The following ZNF287 variants were observed in gnomAD, a reference collection of about 807,000 sequenced individuals.
The protein encoded by ZNF287 is zinc finger protein 287.
Under a neutral mutation model 73.7 loss-of-function variants are expected in ZNF287, and 31 were observed. The ratio of observed to expected loss-of-function variants is 0.42; its 90% CI spans 0.32 to 0.57. ZNF287 has a LOEUF of 0.57. ZNF287 is among the 20% of genes least tolerant of loss of function. The probability of loss-of-function intolerance (pLI) is 0.13; values close to 1 mark genes in which losing one functional copy is unlikely to be tolerated. For missense variants in ZNF287, 641 were observed against 909.3 expected (o/e 0.70, Z 3.79); for synonymous variants, 301 against 307.2 (o/e 0.98, Z 0.21).
Position 16,550,153 on chromosome 17 carries a change from T to C in ZNF287, c.*1703A>G, listed in dbSNP as rs1319220396. On this transcript the variant is annotated 3_prime_UTR_variant, in exon 6 of 6. Coordinates refer to ENST00000395825, the MANE Select transcript of ZNF287 (RefSeq NM_020653.4). ...ATTTGCATTTCTGCCAGTTTTCCTT[T>C]TGAGACCCACAAACCCAGTTATCAT... Among the ~76,000 whole-genome samples, 2 of 152,212 alleles carry C rather than the reference T, an allele frequency of 1.3e-5. No individual in the cohort carries two copies. Among genetic ancestry groups the C allele is most frequent in the African/African-American group, 2.4e-5 (1 of 41,460 alleles).
At chr17:16,563,324 C>A in intron 4 of ZNF287, 92 bp from the exon 5 acceptor site, 1 of 852,464 alleles carries the variant, frequency 1.2e-6, no homozygotes, top group Non-Finnish European at 1.9e-6. Context: ...GGAGAACAGA[C>A]CTCTGTAGGA....
intron 1 of ZNF287, among the ~76,000 whole-genome samples, chr17:16,568,321 G>T (rs547077754): frequency 6.6e-6 from 1 of 152,232 alleles, no homozygotes; most frequent in Admixed American, 6.5e-5. Context: ...GAAACTAGGA[G>T]AATTTCTTCT....
At chr17:16,555,033 T>C (rs746636069) in intron 5 of ZNF287, among the ~76,000 whole-genome samples, 9 of 152,156 alleles carry the variant, frequency 5.9e-5, no homozygotes, top group Non-Finnish European at 1.2e-4. Flanking sequence ...CAATATAGTA[T>C]TGGGCTCATG....
At chr17:16,563,914 G>A in intron 3 of ZNF287, 89 bp from the exon 4 acceptor site, 1 of 1,464,136 alleles carries the variant, frequency 6.8e-7, no homozygotes, top group Non-Finnish European at 9.2e-7. Context: ...GTGGGGGACT[G>A]TCACAGAATT....
intron 5 of ZNF287, 43 bp downstream of exon 5, chr17:16,563,103 G>T (rs765549812): frequency 2.1e-6 from 3 of 1,432,228 alleles, no homozygotes; most frequent in Admixed American, 3.7e-5. Flanking sequence ...TTAGGATATA[G>T]ATTCTTAAAT....
intron 5 of ZNF287, among the ~76,000 whole-genome samples, chr17:16,553,968 G>C (rs1191807936): frequency 6.6e-6 from 1 of 152,148 alleles, no homozygotes; most frequent in Non-Finnish European, 1.5e-5. Flanking sequence ...TAACATTATT[G>C]GGTCTCACCT....
chr17:16,569,146 A>G lies in ZNF287; in HGVS notation c.-393T>C, dbSNP rs1396316657. 1 of 152,370 alleles carries G rather than the reference A, an allele frequency of 6.6e-6. No individual in the cohort carries two copies. Among genetic ancestry groups the G allele is most frequent in the East Asian group, 1.9e-4 (1 of 5,188 alleles). The allele number at this position is 152,370 out of a possible 1,614,324, so 9.4% of individuals were successfully genotyped here. ...CTGCACGTTCCAGCCCGGTCCTGAG[A>G]AGCCCGGCCCAGAAACCCCGGCGCC... On this transcript the variant is annotated 5_prime_UTR_variant, in exon 1 of 6. Transcript: ENST00000395825.
At chr17:16,563,419 C>T (rs1390292138) in intron 4 of ZNF287, among the ~76,000 whole-genome samples, 187 bp from the exon 5 acceptor site, 1 of 152,158 alleles carries the variant, frequency 6.6e-6, no homozygotes, top group African/African-American at 2.4e-5. Flanking sequence ...AATTTCCTGC[C>T]ACTGAAGAGG....
chr17:16,554,203 T>A (rs1405999212), intron 5 of ZNF287, among the ~76,000 whole-genome samples: 1 of 119,074 alleles, frequency 8.4e-6, no homozygotes, highest in Non-Finnish European at 1.6e-5. Flanking sequence ...TATCCACTAC[T>A]TTTTTTTTTT....
chr17:16,563,012 A>G (rs764254221), intron 5 of ZNF287, 134 bp downstream of exon 5: 13 of 648,414 alleles, frequency 2.0e-5, no homozygotes, highest in Non-Finnish European at 3.2e-5. Flanking sequence ...AGCAATGCCA[A>G]ACAGCTCAGT....
At chr17:16,563,678 A>G in intron 4 of ZNF287, 21 bp downstream of exon 4, 1 of 1,608,142 alleles carries the variant, frequency 6.2e-7, no homozygotes, top group Non-Finnish European at 8.5e-7. Context: ...TCGGAGGAGG[A>G]GGGATGCAGA....
At chr17:16,559,826 T>A (rs192296483) in intron 5 of ZNF287, among the ~76,000 whole-genome samples, 226 of 152,358 alleles carry the variant, frequency 1.5e-3, no homozygotes, top group Non-Finnish European at 1.9e-3. Context: ...GTCAAAAAGA[T>A]GCTGGACTTT....
chr17:16,559,199 A>G (rs1307766347), intron 5 of ZNF287: 1 of 152,126 alleles, frequency 6.6e-6, no homozygotes, highest in Admixed American at 6.5e-5. Flanking sequence ...AAGGAAATGT[A>G]TACCTTTCTA....
chr17:16,563,242 A>G lies in ZNF287; in HGVS notation c.629-10T>C. 1 of 1,586,200 alleles carries G rather than the reference A, an allele frequency of 6.3e-7. No individual in the cohort carries two copies. Among genetic ancestry groups the G allele is most frequent in the Non-Finnish European group, 8.6e-7 (1 of 1,165,132 alleles). On this transcript the variant is annotated splice_polypyrimidine_tract_variant and intron_variant, in intron 4 of 5. Transcript: ENST00000395825. ...CTGTACACTGTAAGTCCTGTTCAGGAGGAATATAAAGAATTTTATCCTGGA... is the reference window on the plus strand; with the variant it reads ...CTGTACACTGTAAGTCCTGTTCAGGGGGAATATAAAGAATTTTATCCTGGA...
At chr17:16,564,269 T>A (rs1907618814) in intron 3 of ZNF287, among the ~76,000 whole-genome samples, 1 of 152,190 alleles carries the variant, frequency 6.6e-6, no homozygotes, top group African/African-American at 2.4e-5. Context: ...GGTACAATCA[T>A]TGTTCACTGC....
intron 5 of ZNF287, chr17:16,558,822 C>T (rs1037692862): frequency 6.6e-6 from 1 of 151,894 alleles, no homozygotes; most frequent in African/African-American, 2.4e-5. Context: ...GCAAAAAATA[C>T]AAAAATTATC....
intron 2 of ZNF287, among the ~76,000 whole-genome samples, chr17:16,567,086 G>T (rs1907791075): frequency 6.6e-6 from 1 of 152,168 alleles, no homozygotes; most frequent in South Asian, 2.1e-4. Flanking sequence ...TTTCTTGGGG[G>T]TTTAGATAAT....
rs955080437 is a variant in ZNF287, at chr17:16,549,167, A to G, written c.*2689T>C. On this transcript the variant is annotated 3_prime_UTR_variant, in exon 6 of 6. Coordinates refer to ENST00000395825, the MANE Select transcript of ZNF287 (RefSeq NM_020653.4). Reference sequence around the variant, plus strand: ...TATATATTTGAAAACTCATAATAAAAAGTTCTGGAAAATAAGGCTATTTGC... The same window carrying G: ...TATATATTTGAAAACTCATAATAAAGAGTTCTGGAAAATAAGGCTATTTGC... Among the ~76,000 whole-genome samples, 23 of 152,220 alleles carry G rather than the reference A, an allele frequency of 1.5e-4. No individual in the cohort carries two copies. The highest frequency in any genetic ancestry group is 5.5e-4 in the African/African-American group (23 of 41,450).
In ZNF287 at chr17:16,553,194, T is replaced by C. The variant is rs146811177; in HGVS notation, c.948A>G (p.Ile316Met). 1.9e-6 allele frequency: 3 copies of C among 1,600,066 alleles called. No homozygotes were observed. Among genetic ancestry groups the C allele is most frequent in the Non-Finnish European group, 2.6e-6 (3 of 1,167,650 alleles). The change falls in exon 6 of 6, where the codon ATA becomes ATG. Residue 316 changes from isoleucine to methionine, a missense_variant. By Grantham distance (10) the Ile-to-Met change is conservative. This residue lies in a region of ZNF287 where 357 missense variants were observed against 442.4 expected (regional missense o/e 0.81). Coordinates refer to ENST00000395825, the MANE Select transcript of ZNF287 (RefSeq NM_020653.4). ...PTEECLSKYDIYRNNFEKHSN... is the reference protein window; with the variant it reads ...PTEECLSKYDMYRNNFEKHSN... ...AATGCTTTTCAAAATTATTTCTATA[T>C]ATATCATATTTACTAAGACATTCTT...
Sources: gnomAD v4.1 joint callset for allele counts (sites outside exome capture counted in the v4.1 genomes callset) on GRCh38, gnomAD v4.1.1 for gene constraint, gnomAD v4.1.1 regional missense constraint, MANE v1.5 for transcripts, NCBI Gene and HGNC (gene_info 2026-07-23, HGNC 2026-07-21) for gene names.